The following RUNX2 variants were observed in gnomAD, a reference collection of about 807,000 sequenced individuals.
RUNX2 encodes runt-related transcription factor 2.
In RUNX2, 10 loss-of-function variants were observed where a neutral mutation model predicts 51.7. That is an observed-to-expected ratio of 0.19 (90% confidence interval 0.12 to 0.33). The LOEUF is 0.33. RUNX2 is among the 10% of genes least tolerant of loss of function. The pLI is 1.00. For missense variants in RUNX2, 562 were observed against 691.3 expected (o/e 0.81, Z 2.10); for synonymous variants, 276 against 273.6 (o/e 1.01, Z -0.09).
intron 6 of RUNX2, among the ~76,000 whole-genome samples, chr6:45,505,214 C>G (rs1390137893): frequency 1.3e-5 from 2 of 152,142 alleles, no homozygotes; most frequent in Admixed American, 6.5e-5. Context: ...ACAAAAGGAG[C>G]CTTGCTAATA....
intron 2 of RUNX2, among the ~76,000 whole-genome samples, chr6:45,347,307 CTGTT>C (rs1192112061): frequency 1.3e-5 from 2 of 152,058 alleles, no homozygotes; most frequent in African/African-American, 4.8e-5. Context: ...ATATATATGA[CTGTT>C]AGGGAACAGT....
intron 2 of RUNX2, among the ~76,000 whole-genome samples, chr6:45,388,548 T>C (rs1438434357): frequency 1.3e-5 from 2 of 152,186 alleles, no homozygotes; most frequent in South Asian, 2.1e-4. Flanking sequence ...CCAGGTGATT[T>C]TGAAGTAAGT....
intron 6 of RUNX2, among the ~76,000 whole-genome samples, chr6:45,502,761 A>G (rs1315880061): frequency 6.6e-6 from 1 of 152,170 alleles, no homozygotes; most frequent in Non-Finnish European, 1.5e-5. Context: ...GGATGCTGCC[A>G]GAGGGAGATT....
At chr6:45,338,533 T>A (rs1284175794) in intron 2 of RUNX2, among the ~76,000 whole-genome samples, 1 of 152,066 alleles carries the variant, frequency 6.6e-6, no homozygotes. Context: ...TAGCTGCCAG[T>A]AGGTAAAACA....
chr6:45,382,189 G>C (rs1797253665), intron 2 of RUNX2, among the ~76,000 whole-genome samples: 1 of 152,154 alleles, frequency 6.6e-6, no homozygotes, highest in Admixed American at 6.5e-5. Flanking sequence ...CATTTCAACG[G>C]ATTGTTGTAG....
At chr6:45,519,375 A>C (rs550039214) in intron 7 of RUNX2, among the ~76,000 whole-genome samples, 2 of 152,160 alleles carry the variant, frequency 1.3e-5, no homozygotes, top group Non-Finnish European at 2.9e-5. Context: ...TGATGAACCA[A>C]TATTGATACA....
intron 5 of RUNX2, among the ~76,000 whole-genome samples, chr6:45,447,884 G>A (rs1799047538): frequency 1.3e-5 from 2 of 152,152 alleles, no homozygotes; most frequent in South Asian, 4.1e-4. Context: ...AGTTGTGTGT[G>A]TTAGCTGCTG....
At chr6:45,380,284 A>G (rs1444331718) in intron 2 of RUNX2, among the ~76,000 whole-genome samples, 2 of 152,248 alleles carry the variant, frequency 1.3e-5, no homozygotes, top group Non-Finnish European at 2.9e-5. Context: ...TTTCCAAGGC[A>G]TGTGGGGAAA....
At chr6:45,338,469 G>C (rs1024152697) in intron 2 of RUNX2, among the ~76,000 whole-genome samples, 1 of 151,968 alleles carries the variant, frequency 6.6e-6, no homozygotes, top group Non-Finnish European at 1.5e-5. Context: ...AAAGCTGATG[G>C]TACTATATTT....
At chr6:45,434,656 T>A (rs190829398) in intron 4 of RUNX2, among the ~76,000 whole-genome samples, 6 of 152,316 alleles carry the variant, frequency 3.9e-5, no homozygotes, top group Non-Finnish European at 8.8e-5. Context: ...TCCTTTTTTT[T>A]ATCCTTAATC....
intron 2 of RUNX2, among the ~76,000 whole-genome samples, chr6:45,407,473 A>C (rs969026446): frequency 6.6e-6 from 1 of 151,886 alleles, no homozygotes; most frequent in African/African-American, 2.4e-5. Context: ...TCCCACTCTT[A>C]TTCTTCTTCC....
intron 2 of RUNX2, among the ~76,000 whole-genome samples, chr6:45,403,086 AC>A (rs1797749717): frequency 6.6e-6 from 1 of 152,214 alleles, no homozygotes; most frequent in African/African-American, 2.4e-5. Flanking sequence ...TATGATTACA[AC>A]AACCTTATAA....
chr6:45,462,466 C>G (rs572764385), intron 5 of RUNX2, among the ~76,000 whole-genome samples: 4 of 152,152 alleles, frequency 2.6e-5, no homozygotes, highest in African/African-American at 4.8e-5. Flanking sequence ...TAAACAGATA[C>G]ATGAATAAAT....
chr6:45,342,425 A>G (rs1789986578), intron 2 of RUNX2, among the ~76,000 whole-genome samples: 1 of 152,018 alleles, frequency 6.6e-6, no homozygotes, highest in African/African-American at 2.4e-5. Context: ...CCACGCCCAG[A>G]TAATTTTGTA....
At position 45,547,584 on chromosome 6, in the gene RUNX2, T is replaced by C. The variant is rs1802441256; in HGVS notation, c.*279T>C. On this transcript the variant is annotated 3_prime_UTR_variant, in exon 9 of 9. Coordinates refer to ENST00000647337, the MANE Select transcript of RUNX2 (RefSeq NM_001024630.4). Reference sequence around the variant, plus strand: ...ACAAAGGAACAAAGAAGGGAAAAGGTATTTTTGTTTTTGTTGTTTGGTCTG... The same window carrying C: ...ACAAAGGAACAAAGAAGGGAAAAGGCATTTTTGTTTTTGTTGTTTGGTCTG... 1.1e-5 allele frequency: 5 copies of C among 475,398 alleles called. No individual in the cohort carries two copies. The highest frequency in any genetic ancestry group is 1.9e-5 in the Non-Finnish European group (5 of 260,748). The allele number at this position is 475,398 out of a possible 1,614,324, so 29.4% of individuals were successfully genotyped here.
chr6:45,503,451 C>CG (rs2150414554), intron 6 of RUNX2, among the ~76,000 whole-genome samples: 1 of 152,242 alleles, frequency 6.6e-6, no homozygotes, highest in South Asian at 2.1e-4. Flanking sequence ...TGTAATACCC[C>CG]GACTGCCCAT....
chr6:45,534,391 G>T (rs143662775), intron 7 of RUNX2, among the ~76,000 whole-genome samples: 2 of 152,224 alleles, frequency 1.3e-5, no homozygotes, highest in African/African-American at 4.8e-5. Flanking sequence ...CTACCTCTCA[G>T]GCTCTTTGTG....
At chr6:45,431,501 A>G (rs775267852) in intron 3 of RUNX2, among the ~76,000 whole-genome samples, 2 of 152,212 alleles carry the variant, frequency 1.3e-5, no homozygotes, top group Admixed American at 6.5e-5. Context: ...GCCTGCAGAC[A>G]GGTGGTGCCT....
intron 2 of RUNX2, among the ~76,000 whole-genome samples, chr6:45,353,683 G>A (rs1792541023): frequency 6.6e-6 from 1 of 151,968 alleles, no homozygotes; most frequent in African/African-American, 2.4e-5. Context: ...GAAAGTGCAT[G>A]AAGATATGTA....
Sources: allele counts gnomAD v4.1 joint callset (sites outside exome capture counted in the v4.1 genomes callset), GRCh38; gene constraint gnomAD v4.1.1; transcripts MANE v1.5; gene names NCBI Gene and HGNC (gene_info 2026-07-23, HGNC 2026-07-21).